CSMD1: variants seen among roughly 807,000 people sequenced by gnomAD.
The protein encoded by CSMD1 is CUB and Sushi multiple domains 1.
In CSMD1, 213 loss-of-function variants were observed where a neutral mutation model predicts 417.5. The ratio of observed to expected loss-of-function variants is 0.51; its 90% CI spans 0.46 to 0.57. The LOEUF is 0.57. CSMD1 is among the 20% of genes least tolerant of loss of function. The probability of loss-of-function intolerance (pLI) is 0.00; values close to 1 mark genes in which losing one functional copy is unlikely to be tolerated. For synonymous variants in CSMD1, 2,862 were observed against 1,736.8 expected (o/e 1.65, Z -16.11); for missense variants, 6,923 against 4,529.7 (o/e 1.53, Z -15.17).
At chr8:3,843,174 G>C (rs1450570348) in intron 5 of CSMD1, among the ~76,000 whole-genome samples, 2 of 151,992 alleles carry the variant, frequency 1.3e-5, no homozygotes, top group African/African-American at 2.4e-5. Context: ...CACTGTCATG[G>C]CTTGTAAATT....
At chr8:3,300,263 ATGTT>A (rs1024892174) in intron 25 of CSMD1, among the ~76,000 whole-genome samples, 2 of 152,194 alleles carry the variant, frequency 1.3e-5, no homozygotes, top group African/African-American at 4.8e-5. Context: ...ATCACATTTT[ATGTT>A]TGTATTTGCA....
intron 21 of CSMD1, among the ~76,000 whole-genome samples, chr8:3,354,941 A>AGATCTATCTATAGATATTTC (rs1286559287): frequency 6.9e-6 from 1 of 145,918 alleles, no homozygotes; most frequent in African/African-American, 2.8e-5. Context: ...ATAGATATAT[A>AGATCTATCTATAGATATTTC]TAGAGAGACA....
intron 3 of CSMD1, among the ~76,000 whole-genome samples, chr8:4,360,949 G>A (rs1307016807): frequency 6.6e-6 from 1 of 152,022 alleles, no homozygotes; most frequent in Admixed American, 6.6e-5. Context: ...TCATTTCATG[G>A]GACTTGAGGA....
intron 3 of CSMD1, among the ~76,000 whole-genome samples, chr8:4,060,236 T>A (rs528869150): frequency 2.5e-5 from 1 of 39,792 alleles, no homozygotes; most frequent in Admixed American, 4.9e-4. Flanking sequence ...TTTGACAAAA[T>A]TCAACAACCC....
intron 49 of CSMD1, among the ~76,000 whole-genome samples, chr8:3,076,191 C>A (rs1813668386): frequency 2.0e-5 from 3 of 152,196 alleles, no homozygotes. Context: ...GGCCGGAAGT[C>A]CCACCGCAGG....
rs539768596 is a variant in CSMD1, at chr8:3,406,869, C to T, written c.2072-648G>A. Among the ~76,000 whole-genome samples, 6 of 152,314 alleles carry T rather than the reference C, an allele frequency of 3.9e-5. No individual in the cohort carries two copies. The South Asian group carries it at 1.2e-3, about 32-fold the overall frequency. ...AGGAGCCTAAAGCAAAGAGAATGAG[C>T]TGTCATTAAACTTCACTAATTACAT... On this transcript the variant is annotated intron_variant, in intron 14 of 69. Coordinates refer to ENST00000635120, the MANE Select transcript of CSMD1 (RefSeq NM_033225.6).
intron 54 of CSMD1, among the ~76,000 whole-genome samples, chr8:2,997,363 C>G (rs528283790): frequency 1.8e-4 from 27 of 152,292 alleles, no homozygotes; most frequent in African/African-American, 6.0e-4. Flanking sequence ...CCCGTGGGAG[C>G]CCTAGGATAA....
rs1420352173 is a variant in CSMD1, at chr8:4,236,026, G to GCTTTTTTTTTTTTTTTT, written c.415+183926_415+183927insAAAAAAAAAAAAAAAAG. ...GTGAGCAAAGAGGTTAATGGATATT[G>GCTTTTTTTTTTTTTTTT]TTTTTTTTGTTTGTTTTTTTTTTTT... is the stretch of plus-strand genomic sequence containing the variant. On this transcript the variant is annotated intron_variant, in intron 3 of 69. Transcript: ENST00000635120. Among the ~76,000 whole-genome samples, 13 of 108,070 alleles carry GCTTTTTTTTTTTTTTTT rather than the reference G, an allele frequency of 1.2e-4. 1 individual carries two copies. The highest frequency in any genetic ancestry group is 2.5e-4 in the African/African-American group (6 of 23,720). 70.9% of individuals were successfully genotyped at this position (108,070 alleles called of 152,430 possible). A position where few individuals can be genotyped will look rare whatever the true frequency, so the allele number is the denominator to read the frequency against.
chr8:3,710,332 G>C (rs1015649228), intron 6 of CSMD1, among the ~76,000 whole-genome samples: 1 of 151,998 alleles, frequency 6.6e-6, no homozygotes, highest in Non-Finnish European at 1.5e-5. Context: ...ACATACCCAC[G>C]ACCAACTGGC....
chr8:3,972,749 G>A (rs146665381), intron 5 of CSMD1, among the ~76,000 whole-genome samples: 2 of 152,128 alleles, frequency 1.3e-5, no homozygotes, highest in African/African-American at 4.8e-5. Context: ...CCAGCTAAAA[G>A]CATTAAAAAT....
intron 3 of CSMD1, among the ~76,000 whole-genome samples, chr8:4,095,660 C>T (rs572032974): frequency 6.6e-6 from 1 of 152,288 alleles, no homozygotes; most frequent in African/African-American, 2.4e-5. Flanking sequence ...CATTCAACAA[C>T]TGAGGGTTCT....
intron 8 of CSMD1, among the ~76,000 whole-genome samples, chr8:3,611,423 A>G (rs1188773000): frequency 1.3e-5 from 2 of 152,038 alleles, no homozygotes; most frequent in East Asian, 3.9e-4. Flanking sequence ...TTGCTTTTCT[A>G]CTGAACTCCT....
intron 15 of CSMD1, among the ~76,000 whole-genome samples, chr8:3,402,067 T>C (rs1161386587): frequency 6.6e-6 from 1 of 152,126 alleles, no homozygotes; most frequent in East Asian, 1.9e-4. Context: ...TATTTTCCTA[T>C]GGCTTTATTT....
At chr8:3,298,425 G>T (rs1460697554) in intron 25 of CSMD1, among the ~76,000 whole-genome samples, 1 of 151,940 alleles carries the variant, frequency 6.6e-6, no homozygotes, top group African/African-American at 2.4e-5. Context: ...AGGAAATGAA[G>T]TGAGACACAT....
intron 1 of CSMD1, among the ~76,000 whole-genome samples, chr8:4,956,691 T>C (rs1206205667): frequency 3.9e-5 from 6 of 152,132 alleles, no homozygotes; most frequent in African/African-American, 9.7e-5. Flanking sequence ...TTCACTCACT[T>C]ACAGTATGAT....
In CSMD1 at chr8:4,814,272, A is replaced by T. The variant is rs11786881; in HGVS notation, c.86-176714T>A. Among the ~76,000 whole-genome samples, 41 of 152,226 alleles carry T rather than the reference A, an allele frequency of 2.7e-4. No homozygotes were observed. In the South Asian group the frequency reaches 5.0e-3, roughly 18 times the overall value. ...TGTATGTGTGTGGTGGGGGATGGAG[A>T]TTCGCTCTTAATGGCCAGGCTGGAG... On this transcript the variant is annotated intron_variant, in intron 1 of 69. Coordinates refer to ENST00000635120, the MANE Select transcript of CSMD1 (RefSeq NM_033225.6).
At chr8:3,900,392 A>G (rs1807659818) in intron 5 of CSMD1, among the ~76,000 whole-genome samples, 1 of 151,566 alleles carries the variant, frequency 6.6e-6, no homozygotes, top group South Asian at 2.1e-4. Flanking sequence ...GCTGGGTGAC[A>G]GTATAGGTGG....
In CSMD1 at chr8:3,426,482, G is replaced by C. The variant is rs77759068; in HGVS notation, c.1562-16877C>G. 1.0e-3 allele frequency among the ~76,000 whole-genome samples: 159 copies of C among 152,226 alleles called. 3 individuals are homozygous for C. In the East Asian group the frequency reaches 0.028, roughly 27 times the overall value. On this transcript the variant is annotated intron_variant, in intron 12 of 69. Transcript: ENST00000635120. ...TTAATGGAAAAGGAAGCTGGAGACT[G>C]TCCACCTGCTCTTTCCCTCAATTGC...
intron 1 of CSMD1, among the ~76,000 whole-genome samples, chr8:4,731,322 C>T (rs1160241257): frequency 5.9e-5 from 9 of 152,250 alleles, no homozygotes; most frequent in African/African-American, 1.4e-4. Context: ...GCAGTTTTTG[C>T]TCCCACCTCA....
Sources: allele counts gnomAD v4.1 joint callset (sites outside exome capture counted in the v4.1 genomes callset), GRCh38; gene constraint gnomAD v4.1.1; transcripts MANE v1.5; gene names NCBI Gene and HGNC (gene_info 2026-07-23, HGNC 2026-07-21).